The following PGR variants were observed in gnomAD, a reference collection of about 807,000 sequenced individuals.
PGR encodes progesterone receptor.
PGR carries 25 observed loss-of-function variants against 76.1 expected under a neutral mutation model. That is an observed-to-expected ratio of 0.33 (90% CI 0.24 to 0.46). The LOEUF is 0.46. Ranked by LOEUF, PGR falls within the 20% of genes least tolerant of loss-of-function variation. The pLI, the probability that PGR is intolerant of heterozygous loss-of-function variation, is 1.00. For synonymous variants in PGR, 579 were observed against 535.0 expected (o/e 1.08, Z -1.14); for missense variants, 1,172 against 1,225.3 (o/e 0.96, Z 0.65).
intron 6 of PGR, among the ~76,000 whole-genome samples, chr11:101,046,518 A>T (rs187028858): frequency 1.6e-3 from 239 of 151,656 alleles, no homozygotes; most frequent in Non-Finnish European, 2.8e-3. Context: ...CTGGAGATTT[A>T]TATTTTCATA....
At chr11:101,043,013 G>A (rs1859744978) in intron 6 of PGR, among the ~76,000 whole-genome samples, 2 of 152,118 alleles carry the variant, frequency 1.3e-5, no homozygotes, top group Admixed American at 1.3e-4. Flanking sequence ...GGTTGGGGTG[G>A]CTATGACAGT....
intron 3 of PGR, among the ~76,000 whole-genome samples, chr11:101,073,193 T>C (rs980302951): frequency 5.3e-5 from 8 of 152,164 alleles, no homozygotes; most frequent in Admixed American, 5.2e-4. Flanking sequence ...CACAACTACA[T>C]GGAAACTGAA....
At chr11:101,113,905 A>G (rs971997866) in intron 2 of PGR, among the ~76,000 whole-genome samples, 1 of 152,014 alleles carries the variant, frequency 6.6e-6, no homozygotes, top group Non-Finnish European at 1.5e-5. Context: ...CCTAATTTCT[A>G]TTAAAATAGT....
At position 101,034,170 on chromosome 11, in the gene PGR, A is replaced by T. The variant is rs557868520; in HGVS notation, c.*4946T>A. 47 of 226,208 alleles carry T rather than the reference A, an allele frequency of 2.1e-4. No homozygotes were observed. The highest frequency in any genetic ancestry group is 9.8e-4 in the African/African-American group (44 of 45,082). 14.0% of individuals were successfully genotyped at this position (226,208 alleles called of 1,614,324 possible). A position where few individuals can be genotyped will look rare whatever the true frequency, so the allele number is the denominator to read the frequency against. ...AAAATAATGCCTCTCCCATGTCTCC[A>T]TGAGTGGAAAAAAAGCAAACAAACC... On this transcript the variant is annotated 3_prime_UTR_variant, in exon 8 of 8. Coordinates refer to ENST00000325455, the MANE Select transcript of PGR (RefSeq NM_000926.4).
At chr11:101,069,765 C>A (rs963029491) in intron 3 of PGR, among the ~76,000 whole-genome samples, 7 of 151,952 alleles carry the variant, frequency 4.6e-5, no homozygotes, top group Non-Finnish European at 1.0e-4. Flanking sequence ...AACAGAAAAC[C>A]AAACACTGCA....
rs1376103484 is a variant in PGR, at chr11:101,038,032, T to G, written c.*1084A>C. 4.8e-6 allele frequency: 1 copy of G among 207,054 alleles called. No homozygotes were observed. The highest frequency in any genetic ancestry group is 9.9e-6 in the Non-Finnish European group (1 of 101,472). 12.8% of individuals were successfully genotyped at this position (207,054 alleles called of 1,614,324 possible). A position where few individuals can be genotyped will look rare whatever the true frequency, so the allele number is the denominator to read the frequency against. Reference sequence around the variant, plus strand: ...TGACATTTGGCTGAGTCTCGAAGGTTGAAACATGCATGGAATTTGTGTCAA... The same window carrying G: ...TGACATTTGGCTGAGTCTCGAAGGTGGAAACATGCATGGAATTTGTGTCAA... On this transcript the variant is annotated 3_prime_UTR_variant, in exon 8 of 8. Coordinates refer to ENST00000325455, the MANE Select transcript of PGR (RefSeq NM_000926.4).
At chr11:101,103,655 C>G (rs1417948302) in intron 2 of PGR, among the ~76,000 whole-genome samples, 1 of 152,188 alleles carries the variant, frequency 6.6e-6, no homozygotes, top group African/African-American at 2.4e-5. Flanking sequence ...GCATTTAGTA[C>G]TCAAAGAGGA....
chr11:101,115,882 GAGTAC>G (rs2135493330), intron 2 of PGR, among the ~76,000 whole-genome samples: 1 of 152,308 alleles, frequency 6.6e-6, no homozygotes, highest in South Asian at 2.1e-4. Flanking sequence ...AATCATTTCT[GAGTAC>G]ATGTCCAAAA....
intron 4 of PGR, among the ~76,000 whole-genome samples, chr11:101,053,468 C>G (rs999841781): frequency 6.6e-6 from 1 of 152,044 alleles, no homozygotes; most frequent in Non-Finnish European, 1.5e-5. Context: ...AGAAGGGATG[C>G]TCTTCAATGT....
intron 4 of PGR, 73 bp downstream of exon 4, chr11:101,062,374 T>C: frequency 8.7e-7 from 1 of 1,144,260 alleles, no homozygotes; most frequent in Non-Finnish European, 1.3e-6. Context: ...TAGAGTGTTT[T>C]ATTTAACAAT....
At chr11:101,121,584 T>A (rs1024140452) in intron 2 of PGR, among the ~76,000 whole-genome samples, 6 of 152,252 alleles carry the variant, frequency 3.9e-5, no homozygotes, top group Non-Finnish European at 5.9e-5. Flanking sequence ...TGTCTAGGTC[T>A]GAAAAACTTT....
At chr11:101,058,821 C>G (rs1405949484) in intron 4 of PGR, among the ~76,000 whole-genome samples, 2 of 152,184 alleles carry the variant, frequency 1.3e-5, no homozygotes, top group Admixed American at 6.5e-5. Flanking sequence ...ACTTACACCT[C>G]TAAGTTTACT....
At position 101,093,107 on chromosome 11, in the gene PGR, T is replaced by C. The variant is rs528901918; in HGVS notation, c.1790-1231A>G. 9.3e-4 allele frequency among the ~76,000 whole-genome samples: 142 copies of C among 152,318 alleles called. 4 individuals are homozygous for C. Among genetic ancestry groups the C allele is most frequent in the Admixed American group, 9.3e-3 (142 of 15,296 alleles). On this transcript the variant is annotated intron_variant, in intron 2 of 7. Transcript: ENST00000325455. ...GCATTTCTGGAAAAGCACAAATATT[T>C]TCTTAAAGATGCATGCCTCTATAAA...
At chr11:101,077,503 C>T (rs527346967) in intron 3 of PGR, among the ~76,000 whole-genome samples, 16 of 152,152 alleles carry the variant, frequency 1.1e-4, no homozygotes, top group South Asian at 2.1e-4. Flanking sequence ...ATGTATATGT[C>T]TTAATCATTC....
rs1862125135 is a variant in PGR, at chr11:101,105,496, T to A, written c.1790-13620A>T. 1.9e-4 allele frequency among the ~76,000 whole-genome samples: 3 copies of A among 15,582 alleles called. No individual in the cohort carries two copies. The South Asian group carries it at 4.0e-3, about 21-fold the overall frequency. 10.2% of individuals were successfully genotyped at this position (15,582 alleles called of 152,430 possible). A position where few individuals can be genotyped will look rare whatever the true frequency, so the allele number is the denominator to read the frequency against. ...AGAATCCTATTTGGTAGCATATTCC[T>A]TTTTTTTTTTTTTTTTTAGAAATGA... On this transcript the variant is annotated intron_variant, in intron 2 of 7. Coordinates refer to ENST00000325455, the MANE Select transcript of PGR (RefSeq NM_000926.4).
At chr11:101,048,899 C>A (rs1859986185) in intron 6 of PGR, among the ~76,000 whole-genome samples, 1 of 151,842 alleles carries the variant, frequency 6.6e-6, no homozygotes, top group East Asian at 1.9e-4. Context: ...AACAAAAACA[C>A]AAGGTACAGT....
chr11:101,091,612 T>A, intron 3 of PGR, 148 bp downstream of exon 3: 2 of 664,938 alleles, frequency 3.0e-6, no homozygotes, highest in Admixed American at 4.4e-5. Flanking sequence ...GGTTGCTTCA[T>A]TCAGACACTC....
At chr11:101,081,610 C>A (rs779033359) in intron 3 of PGR, among the ~76,000 whole-genome samples, 1 of 152,086 alleles carries the variant, frequency 6.6e-6, no homozygotes, top group African/African-American at 2.4e-5. Context: ...CTGTTTTCAG[C>A]GTTCTTAAAA....
At chr11:101,070,947 C>T (rs1271038239) in intron 3 of PGR, among the ~76,000 whole-genome samples, 3 of 152,218 alleles carry the variant, frequency 2.0e-5, no homozygotes, top group African/African-American at 7.2e-5. Context: ...ACCAGCGGAT[C>T]TCCCAGCGCA....
Sources: allele counts gnomAD v4.1 joint callset (sites outside exome capture counted in the v4.1 genomes callset), GRCh38; gene constraint gnomAD v4.1.1; transcripts MANE v1.5; gene names NCBI Gene and HGNC (gene_info 2026-07-23, HGNC 2026-07-21).